The following GNB2 variants were observed in gnomAD, a reference collection of about 807,000 sequenced individuals.
GNB2 encodes the protein G protein subunit beta 2.
GNB2 carries 7 observed loss-of-function variants against 40.7 expected under a neutral mutation model. That is an observed-to-expected ratio of 0.17 (90% CI 0.10 to 0.32). The LOEUF (loss-of-function observed/expected upper bound fraction) is 0.32, where lower values mean the gene tolerates loss of function less well. GNB2 is among the 10% of genes least tolerant of loss of function. The probability of loss-of-function intolerance (pLI) is 1.00; values close to 1 mark genes in which losing one functional copy is unlikely to be tolerated. For synonymous variants in GNB2, 254 were observed against 191.2 expected (o/e 1.33, Z -2.71); for missense variants, 286 against 473.0 (o/e 0.60, Z 3.67).
At chr7:100,677,224 C>A in intron 4 of GNB2, 128 bp from the exon 5 acceptor site, 1 of 704,880 alleles carries the variant, frequency 1.4e-6, no homozygotes, top group Non-Finnish European at 2.5e-6. Flanking sequence ...CTGCAGTGAG[C>A]TGTGATGGTG....
chr7:100,676,832 C>G (rs1804360816), intron 4 of GNB2, 33 bp downstream of exon 4: 1 of 1,304,480 alleles, frequency 7.7e-7, no homozygotes, highest in Non-Finnish European at 1.1e-6. Flanking sequence ...GCGCTGTGGG[C>G]CGACTTTCTA....
chr7:100,677,024 C>G, intron 4 of GNB2: 1 of 594,644 alleles, frequency 1.7e-6, no homozygotes, highest in South Asian at 2.1e-5. Context: ...CGCCTGTAAT[C>G]CCAGCACGTG....
Position 100,678,962 on chromosome 7 carries a change from C to A in GNB2, c.*161C>A, listed in dbSNP as rs1160640679. 8 of 610,002 alleles carry A rather than the reference C, an allele frequency of 1.3e-5. No homozygotes were observed. Among genetic ancestry groups the A allele is most frequent in the Non-Finnish European group, 2.4e-5 (8 of 339,382 alleles). 37.8% of individuals were successfully genotyped at this position (610,002 alleles called of 1,614,324 possible). A position where few individuals can be genotyped will look rare whatever the true frequency, so the allele number is the denominator to read the frequency against. ...GGTTTGGTTCCTCCCGGGGCCCCCACTGTGGAGATAAGAAGGGGATGGAAT... is the reference window on the plus strand; with the variant it reads ...GGTTTGGTTCCTCCCGGGGCCCCCAATGTGGAGATAAGAAGGGGATGGAAT... On this transcript the variant is annotated 3_prime_UTR_variant, in exon 10 of 10. Coordinates refer to ENST00000303210, the MANE Select transcript of GNB2 (RefSeq NM_005273.4).
intron 7 of GNB2, 95 bp downstream of exon 7, chr7:100,677,913 G>C: frequency 8.5e-7 from 1 of 1,182,376 alleles, no homozygotes; most frequent in Non-Finnish European, 1.2e-6. Context: ...ATGCACCGTA[G>C]CCTCCCTCTC....
intron 1 of GNB2, chr7:100,675,225 C>T (rs1199856250): frequency 6.6e-6 from 1 of 151,372 alleles, no homozygotes; most frequent in Non-Finnish European, 1.5e-5. Context: ...CGCCCGCCCG[C>T]GCCTGGGAGA....
At position 100,677,544 on chromosome 7, in the gene GNB2, A is replaced by T. The variant is rs757145976; in HGVS notation, c.314A>T (p.Tyr105Phe). 2 of 1,613,496 alleles carry T rather than the reference A, an allele frequency of 1.2e-6. No homozygotes were observed. Among genetic ancestry groups the T allele is most frequent in the Non-Finnish European group, 1.7e-6 (2 of 1,180,012 alleles). ...TCCTCCTGGGTAATGACCTGTGCCTACGCGCCCTCAGGGAACTTTGTGGCC... is the reference window on the plus strand; with the variant it reads ...TCCTCCTGGGTAATGACCTGTGCCTTCGCGCCCTCAGGGAACTTTGTGGCC... ...LRSSWVMTCA[Y>F]APSGNFVACG... is the part of the protein sequence containing the mutation. Residue 105 changes from tyrosine (Y) to phenylalanine (F), a missense_variant, in exon 6 of 10, where the codon TAC becomes TTC. Physicochemically the swap from Tyr to Phe is conservative, Grantham distance 22. Coordinates refer to ENST00000303210, the MANE Select transcript of GNB2 (RefSeq NM_005273.4).
At position 100,677,629 on chromosome 7, in the gene GNB2, C is replaced by T. The variant is rs1804379766; in HGVS notation, c.399C>T (p.Val133=). ...GCCTCAAGACCCGCGAGGGCAACGT[C>T]AGGGTCAGCCGGGAGCTGCCTGGCC... The part of the protein sequence containing the change: ...IYSLKTREGN[V]RVSRELPGHT... The change falls in exon 6 of 10, where the codon GTC becomes GTT. Residue 133 remains valine, a synonymous_variant. Coordinates refer to ENST00000303210, the MANE Select transcript of GNB2 (RefSeq NM_005273.4). 2.5e-6 allele frequency: 4 copies of T among 1,613,498 alleles called. No homozygotes were observed. The African/African-American group carries it at 4.0e-5, about 16-fold the overall frequency.
chr7:100,679,075 G>A lies in GNB2; in HGVS notation c.*274G>A, dbSNP rs1804552. ...CTCTGGAGGGCCGGAGGCAGGAGGTGGAAACCCCAGGGGCTGGCTTTTTTA... is the reference window on the plus strand; with the variant it reads ...CTCTGGAGGGCCGGAGGCAGGAGGTAGAAACCCCAGGGGCTGGCTTTTTTA... On this transcript the variant is annotated 3_prime_UTR_variant, in exon 10 of 10. Transcript: ENST00000303210. 11 of 431,504 alleles carry A rather than the reference G, an allele frequency of 2.5e-5. No individual in the cohort carries two copies. Among genetic ancestry groups the A allele is most frequent in the Non-Finnish European group, 3.7e-5 (9 of 242,516 alleles). The allele number at this position is 431,504 out of a possible 1,614,324, so 26.7% of individuals were successfully genotyped here.
At chr7:100,676,440 C>A (rs62482252) in intron 2 of GNB2, 95 bp from the exon 3 acceptor site, 282,067 of 1,310,594 alleles carry the variant, frequency 0.22, 32,499 homozygotes, top group Non-Finnish European at 0.24. Flanking sequence ...GGCTCAGAAT[C>A]TGACCCTGTC....
At position 100,676,342 on chromosome 7, in the gene GNB2, C is replaced by A. The variant is rs759533887; in HGVS notation, c.57+20C>A. On this transcript the variant is annotated intron_variant, in intron 2 of 9. Transcript: ENST00000303210. Reference sequence around the variant, plus strand: ...ATCCGGGTGAGGGCCTGGTGCGGGGCGGGCGATTCATGTGTACACCGCCCG... The same window carrying A: ...ATCCGGGTGAGGGCCTGGTGCGGGGAGGGCGATTCATGTGTACACCGCCCG... The A allele has an allele frequency of 6.3e-7, 1 of 1,591,090 alleles. No individual in the cohort carries two copies. The highest frequency in any genetic ancestry group is 8.6e-7 in the Non-Finnish European group (1 of 1,166,396).
At position 100,678,892 on chromosome 7, in the gene GNB2, C is replaced by T. The variant is rs1244346084; in HGVS notation, c.*91C>T. ...CTGCGGGGCTGGCGCAATCCCAGCC[C>T]CCTTCCCCGGGCCACGGGGCCTTGG... On this transcript the variant is annotated 3_prime_UTR_variant, in exon 10 of 10. Transcript: ENST00000303210. 2 of 1,033,916 alleles carry T rather than the reference C, an allele frequency of 1.9e-6. No individual in the cohort carries two copies. The highest frequency in any genetic ancestry group is 2.9e-6 in the Non-Finnish European group (2 of 692,906). The allele number at this position is 1,033,916 out of a possible 1,614,324, so 64.0% of individuals were successfully genotyped here. A position where few individuals can be genotyped will look rare whatever the true frequency, so the allele number is the denominator to read the frequency against.
chr7:100,676,646 G>A (rs748960110), intron 3 of GNB2, 47 bp from the exon 4 acceptor site: 8 of 1,550,588 alleles, frequency 5.2e-6, no homozygotes, highest in South Asian at 3.3e-5. Context: ...GCCCTCTGCA[G>A]TCCTGCTGCC....
chr7:100,676,299 G>A lies in GNB2; in HGVS notation c.34G>A (p.Glu12Lys). 6.2e-7 allele frequency: 1 copy of A among 1,607,960 alleles called. No homozygotes were observed. Among genetic ancestry groups the A allele is most frequent in the Admixed American group, 1.7e-5 (1 of 59,594 alleles). ...SELEQLRQEA[E>K]QLRNQIRDAR... ...GCTGGAGCAACTGAGACAGGAGGCC[G>A]AGCAGCTCCGGAACCAGATCCGGGT... The change falls in exon 2 of 10, where the codon GAG becomes AAG. Residue 12 changes from glutamate (E) to lysine (K), a missense_variant. Glu to Lys is a moderately conservative substitution (Grantham distance 56). Coordinates refer to ENST00000303210, the MANE Select transcript of GNB2 (RefSeq NM_005273.4).
chr7:100,678,819 G>T lies in GNB2; in HGVS notation c.*18G>T, dbSNP rs1271413748. The T allele has an allele frequency of 6.3e-7, 1 of 1,580,980 alleles. No homozygotes were observed. The highest frequency in any genetic ancestry group is 8.7e-7 in the Non-Finnish European group (1 of 1,150,680). The stretch of plus-strand genomic sequence containing the variant: ...GGAACTAATGGCCCCACCCCCACTG[G>T]GCCCAGGCCAGGAGGGGCCCTGCCC... On this transcript the variant is annotated 3_prime_UTR_variant, in exon 10 of 10. Coordinates refer to ENST00000303210, the MANE Select transcript of GNB2 (RefSeq NM_005273.4).
chr7:100,678,079 C>T lies in GNB2; in HGVS notation c.498-19C>T, dbSNP rs1398434951. ...TCGCCCTGTCTCTTATCTTTTCTTT[C>T]TTCCTGTCACCTCTCCAGTGCCCTG... is the stretch of plus-strand genomic sequence containing the variant. On this transcript the variant is annotated intron_variant, in intron 7 of 9. Transcript: ENST00000303210. 4.4e-6 allele frequency: 7 copies of T among 1,593,390 alleles called. No homozygotes were observed. The highest frequency in any genetic ancestry group is 5.2e-6 in the Non-Finnish European group (6 of 1,161,220).
In GNB2 at chr7:100,676,816, G is replaced by C. The variant is rs750166554; in HGVS notation, c.203+17G>C. ...CGACTCAAGGTGTGTGTGTGTGCGC[G>C]GGCTGGCGCTGTGGGCCGACTTTCT... On this transcript the variant is annotated intron_variant, in intron 4 of 9. Coordinates refer to ENST00000303210, the MANE Select transcript of GNB2 (RefSeq NM_005273.4). The C allele has an allele frequency of 1.4e-6, 2 of 1,448,922 alleles. No homozygotes were observed. Among genetic ancestry groups the C allele is most frequent in the Middle Eastern group, 3.5e-4 (2 of 5,688 alleles). 89.8% of individuals were successfully genotyped at this position (1,448,922 alleles called of 1,614,324 possible). A position where few individuals can be genotyped will look rare whatever the true frequency, so the allele number is the denominator to read the frequency against.
intron 7 of GNB2, 52 bp from the exon 8 acceptor site, chr7:100,678,046 T>C: frequency 7.0e-7 from 1 of 1,427,708 alleles, no homozygotes; most frequent in Non-Finnish European, 9.9e-7. Context: ...GAACAGGGAC[T>C]CTGTTCTTCG....
rs774706571 is a variant in GNB2, at chr7:100,678,730, C to A, written c.952C>A (p.Leu318Ile). The change falls in exon 10 of 10, where the codon CTC becomes ATC. Residue 318 changes from leucine to isoleucine, a missense_variant. By Grantham distance (5) the Leu-to-Ile change is conservative. Transcript: ENST00000303210. ...LAGHDNRVSC[L>I]GVTDDGMAVA... ...TGGCCACGACAACCGCGTGAGCTGC[C>A]TCGGGGTCACCGACGATGGCATGGC... 3.1e-6 allele frequency: 5 copies of A among 1,613,792 alleles called. 1 individual carries two copies. The South Asian group carries it at 5.5e-5, about 18-fold the overall frequency.
At chr7:100,677,188 G>A in intron 4 of GNB2, 164 bp from the exon 5 acceptor site, 1 of 623,702 alleles carries the variant, frequency 1.6e-6, no homozygotes, top group South Asian at 1.8e-5. Flanking sequence ...GAGGTGGGAG[G>A]ATCACTTGAG....
Sources: allele counts gnomAD v4.1 joint callset, GRCh38; gene constraint gnomAD v4.1.1; transcripts MANE v1.5; gene names NCBI Gene and HGNC (gene_info 2026-07-23, HGNC 2026-07-21).